Variants in LRRC4C observed in about 807,000 individuals in gnomAD.
The protein encoded by LRRC4C is leucine rich repeat containing 4C, also known as leucine-rich repeat-containing protein 4C.
LRRC4C carries 5 observed loss-of-function variants against 33.6 expected under a neutral mutation model. That is an observed-to-expected ratio of 0.15 (90% CI 0.08 to 0.31). The LOEUF is 0.31. Ranked by LOEUF, LRRC4C falls within the 10% of genes least tolerant of loss-of-function variation. The probability of loss-of-function intolerance (pLI) is 1.00; values close to 1 mark genes in which losing one functional copy is unlikely to be tolerated. For synonymous variants in LRRC4C, 329 were observed against 302.0 expected, an observed-to-expected ratio of 1.09 and a Z score of -0.93; for missense variants, 560 against 796.7, an observed-to-expected ratio of 0.70 and a Z score of 3.58.
At chr11:40,553,814 A>T (rs938073986) in intron 3 of LRRC4C, among the ~76,000 whole-genome samples, 3 of 152,204 alleles carry the variant, frequency 2.0e-5, no homozygotes, top group African/African-American at 7.2e-5. Context: ...TGATTTGCTT[A>T]AGTTCCTCGT....
At chr11:40,900,506 C>T (rs1430767674) in intron 2 of LRRC4C, among the ~76,000 whole-genome samples, 2 of 152,168 alleles carry the variant, frequency 1.3e-5, no homozygotes, top group Non-Finnish European at 2.9e-5. Context: ...CCAAGGAAAA[C>T]AACAGATGGA....
chr11:40,980,106 A>G (rs75188082), intron 1 of LRRC4C, among the ~76,000 whole-genome samples: 2,276 of 152,310 alleles, frequency 0.015, 60 homozygotes, highest in African/African-American at 0.052. Context: ...CCATTCATTC[A>G]AGCTACAGAC....
chr11:40,618,362 T>C lies in LRRC4C; in HGVS notation c.-270+29780A>G, dbSNP rs1362720903. On this transcript the variant is annotated intron_variant, in intron 3 of 6. Transcript: ENST00000528697. ...ATTGCTGGCAACCACCAGAAGAAACTAGGAGAAAGGCATGGGACATATTTT... is the reference window on the plus strand; with the variant it reads ...ATTGCTGGCAACCACCAGAAGAAACCAGGAGAAAGGCATGGGACATATTTT... Among the ~76,000 whole-genome samples the C allele has an allele frequency of 2.6e-5, 4 of 151,630 alleles. No individual in the cohort carries two copies. The East Asian group carries it at 5.8e-4, about 22-fold the overall frequency.
intron 1 of LRRC4C, among the ~76,000 whole-genome samples, chr11:41,142,235 C>G (rs1175578421): frequency 6.6e-6 from 1 of 152,168 alleles, no homozygotes; most frequent in East Asian, 1.9e-4. Context: ...TTCATTTGCT[C>G]CCTCTGCTAG....
At position 41,354,791 on chromosome 11, in the gene LRRC4C, G is replaced by A. The variant is rs898760447; in HGVS notation, c.-496+104640C>T. Among the ~76,000 whole-genome samples the A allele has an allele frequency of 2.4e-4, 36 of 151,928 alleles. 1 individual carries two copies. Among genetic ancestry groups the A allele is most frequent in the African/African-American group, 6.5e-4 (27 of 41,374 alleles). ...TATTCAATAAATAATGGAATAACTG[G>A]CTAGCCATATGCAGAAGTTTGAAAC... On this transcript the variant is annotated intron_variant, in intron 1 of 6. Transcript: ENST00000528697.
intron 1 of LRRC4C, among the ~76,000 whole-genome samples, chr11:41,214,352 A>C (rs947372472): frequency 2.0e-5 from 3 of 152,104 alleles, no homozygotes; most frequent in Admixed American, 2.0e-4. Flanking sequence ...ATGTGTGTCA[A>C]TGGCCACAAA....
At chr11:40,480,397 C>A (rs1953488584) in intron 3 of LRRC4C, among the ~76,000 whole-genome samples, 1 of 151,622 alleles carries the variant, frequency 6.6e-6, no homozygotes, top group South Asian at 2.1e-4. Context: ...CAAAATACCA[C>A]ATGTTCTCAT....
intron 1 of LRRC4C, among the ~76,000 whole-genome samples, chr11:41,338,918 T>C (rs1951543807): frequency 6.6e-6 from 1 of 151,942 alleles, no homozygotes; most frequent in Non-Finnish European, 1.5e-5. Context: ...GACATGGAAA[T>C]GTCCCCTCCA....
At chr11:41,241,953 TAA>T (rs551253604) in intron 1 of LRRC4C, among the ~76,000 whole-genome samples, 140 of 152,298 alleles carry the variant, frequency 9.2e-4, no homozygotes, top group Non-Finnish European at 3.2e-4. Context: ...AGTTGGCTAA[TAA>T]AGTTATTAAA....
At chr11:40,630,330 C>CTTCTTCTTCT (rs1963347629) in intron 3 of LRRC4C, among the ~76,000 whole-genome samples, 9 of 135,564 alleles carry the variant, frequency 6.6e-5, no homozygotes, top group African/African-American at 2.5e-4. Context: ...TTTCTTCTTC[C>CTTCTTCTTCT]TCTTCTTCTT....
At chr11:40,988,581 T>C (rs1331210443) in intron 1 of LRRC4C, among the ~76,000 whole-genome samples, 3 of 152,108 alleles carry the variant, frequency 2.0e-5, no homozygotes, top group Non-Finnish European at 2.9e-5. Flanking sequence ...ATATATGTGG[T>C]CATTGATACT....
chr11:41,189,921 A>G (rs1945869293), intron 1 of LRRC4C, among the ~76,000 whole-genome samples: 1 of 152,188 alleles, frequency 6.6e-6, no homozygotes, highest in African/African-American at 2.4e-5. Context: ...GGATGGCTCT[A>G]GGATTCAATG....
At chr11:40,501,792 T>C (rs1954786636) in intron 3 of LRRC4C, among the ~76,000 whole-genome samples, 1 of 152,182 alleles carries the variant, frequency 6.6e-6, no homozygotes. Flanking sequence ...ATTGTCTTGG[T>C]GATTAACACT....
intron 3 of LRRC4C, among the ~76,000 whole-genome samples, chr11:40,441,371 G>C (rs1472705345): frequency 8.5e-5 from 13 of 152,174 alleles, no homozygotes; most frequent in Admixed American, 8.5e-4. Context: ...GAGAAGAGTA[G>C]ATGCAAAGAT....
At chr11:41,318,549 G>T (rs1332054723) in intron 1 of LRRC4C, among the ~76,000 whole-genome samples, 2 of 152,072 alleles carry the variant, frequency 1.3e-5, no homozygotes, top group Non-Finnish European at 2.9e-5. Flanking sequence ...CTCTCCCTCT[G>T]CTCCACTATC....
chr11:41,101,615 A>G (rs1197188772), intron 1 of LRRC4C, among the ~76,000 whole-genome samples: 3 of 152,202 alleles, frequency 2.0e-5, no homozygotes, highest in African/African-American at 7.2e-5. Context: ...TAAAAACAGA[A>G]CTACTATTCC....
intron 3 of LRRC4C, among the ~76,000 whole-genome samples, chr11:40,413,337 C>T (rs138129683): frequency 0.015 from 2,223 of 152,098 alleles, 25 homozygotes; most frequent in Middle Eastern, 0.027. Context: ...ACCTTACACT[C>T]GGCCAAATGG....
chr11:41,359,756 T>G (rs574599019), intron 1 of LRRC4C, among the ~76,000 whole-genome samples: 162 of 152,278 alleles, frequency 1.1e-3, no homozygotes, highest in African/African-American at 3.6e-3. Context: ...GTGCCTGAGG[T>G]TTTCCAGTAA....
chr11:40,633,365 C>CT (rs139149875), intron 3 of LRRC4C, among the ~76,000 whole-genome samples: 1 of 43,278 alleles, frequency 2.3e-5, no homozygotes, highest in African/African-American at 1.4e-4. Context: ...TTCTTTCTTT[C>CT]TTTCTTTCTC....
Sources: gnomAD v4.1 joint callset for allele counts (sites outside exome capture counted in the v4.1 genomes callset) on GRCh38, gnomAD v4.1.1 for gene constraint, MANE v1.5 for transcripts, NCBI Gene and HGNC (gene_info 2026-07-23, HGNC 2026-07-21) for gene names.